Variants in PKHD1 observed in about 807,000 individuals in gnomAD.
PKHD1 encodes fibrocystin.
Under a neutral mutation model 412.0 loss-of-function variants are expected in PKHD1, and 291 were observed. That is an observed-to-expected ratio of 0.71 (90% confidence interval 0.64 to 0.78). The LOEUF (loss-of-function observed/expected upper bound fraction) is 0.78, where lower values mean the gene tolerates loss of function less well. Among genes scored for constraint, PKHD1 ranks in the 30% least tolerant of loss-of-function variants. The pLI, the probability that PKHD1 is intolerant of heterozygous loss-of-function variation, is 0.00. For synonymous variants in PKHD1, 1,777 were observed against 1,821.5 expected (o/e 0.98, Z 0.62); for missense variants, 4,825 against 4,950.7 (o/e 0.97, Z 0.76).
intron 49 of PKHD1, among the ~76,000 whole-genome samples, chr6:51,852,314 C>T (rs922481470): frequency 6.6e-6 from 1 of 152,180 alleles, no homozygotes; most frequent in Non-Finnish European, 1.5e-5. Context: ...GAGTGTTTTA[C>T]TTCCAATTAT....
chr6:51,767,716 T>C (rs1789349094), intron 55 of PKHD1, among the ~76,000 whole-genome samples: 1 of 152,322 alleles, frequency 6.6e-6, no homozygotes, highest in East Asian at 1.9e-4. Flanking sequence ...CAGACTATCG[T>C]TGTTGGACAT....
chr6:52,053,096 A>G lies in PKHD1; in HGVS notation c.2120T>C (p.Ile707Thr). ...TGLFYVDEII[I>T]ADTNVTVSQA... ...ATTACCTGTTACGTTTGTGTCTGCA[A>G]TAATAATTTCATCCACATAGAACAG... is the stretch of plus-strand genomic sequence containing the variant. The change falls in exon 21 of 67, where the codon ATT (isoleucine) becomes ACT (threonine). Residue 707 changes from isoleucine to threonine, a missense_variant. By Grantham distance (89) the Ile-to-Thr change is moderately conservative. Coordinates refer to ENST00000371117, the MANE Select transcript of PKHD1 (RefSeq NM_138694.4). 1 of 1,614,162 alleles carries G rather than the reference A, an allele frequency of 6.2e-7. No homozygotes were observed. The highest frequency in any genetic ancestry group is 8.5e-7 in the Non-Finnish European group (1 of 1,180,004).
chr6:52,079,683 C>A (rs1024074445), intron 5 of PKHD1, among the ~76,000 whole-genome samples: 1 of 152,138 alleles, frequency 6.6e-6, no homozygotes, highest in African/African-American at 2.4e-5. Context: ...AGCATTGAAT[C>A]AAATGATGTA....
intron 61 of PKHD1, among the ~76,000 whole-genome samples, chr6:51,649,885 TGAG>T (rs1388952990): frequency 2.6e-5 from 4 of 152,228 alleles, no homozygotes; most frequent in East Asian, 1.9e-4. Flanking sequence ...ATGAAGCATC[TGAG>T]GAGAATAATA....
chr6:52,079,944 C>T lies in PKHD1; in HGVS notation c.346G>A (p.Val116Ile), dbSNP rs775757809. 2 of 1,611,100 alleles carry T rather than the reference C, an allele frequency of 1.2e-6. No individual in the cohort carries two copies. The highest frequency in any genetic ancestry group is 1.7e-6 in the Non-Finnish European group (2 of 1,177,276). Residue 116 changes from valine to isoleucine, a missense_variant, in exon 5 of 67, where the codon GTA (valine) becomes ATA (isoleucine). Coordinates refer to ENST00000371117, the MANE Select transcript of PKHD1 (RefSeq NM_138694.4). The stretch of plus-strand genomic sequence containing the variant: ...CGTGGTCCTGGATTTGGACTGCTTA[C>T]CAGCTGTCCCCCGAAGTATGCTTCC... ...FLEAYFGGQL[V>I]SSPNPGPRDS... is the part of the protein sequence containing the mutation.
At chr6:51,668,214 T>C (rs1011283246) in intron 60 of PKHD1, among the ~76,000 whole-genome samples, 7 of 152,062 alleles carry the variant, frequency 4.6e-5, no homozygotes, top group African/African-American at 1.7e-4. Flanking sequence ...TATCCTCTTT[T>C]ATTTCATTGA....
At chr6:51,658,918 C>G in intron 61 of PKHD1, 34 bp downstream of exon 61, 2 of 1,426,422 alleles carry the variant, frequency 1.4e-6, no homozygotes, top group Non-Finnish European at 2.0e-6. Context: ...AAAAAATCAG[C>G]CCTCATTTGG....
chr6:51,744,556 C>A lies in PKHD1; in HGVS notation c.9999-14G>T. On this transcript the variant is annotated splice_polypyrimidine_tract_variant and intron_variant, in intron 59 of 66. Coordinates refer to ENST00000371117, the MANE Select transcript of PKHD1 (RefSeq NM_138694.4). ...CCTAAATCTTTCCTGTGAAGACAGT[C>A]AAAAAGCAACTCTTTCATTTCATGA... The A allele has an allele frequency of 6.2e-7, 1 of 1,603,530 alleles. No individual in the cohort carries two copies. The highest frequency in any genetic ancestry group is 1.1e-5 in the South Asian group (1 of 90,806).
rs72542712 is a variant in PKHD1, at chr6:51,719,111, TA to T, written c.10156+25273del. On this transcript the variant is annotated intron_variant, in intron 60 of 66. Coordinates refer to ENST00000371117, the MANE Select transcript of PKHD1 (RefSeq NM_138694.4). ...AAACAGCCAATTTTAAGTGCATATA[TA>T]AATATATTTAGTTTGAATATCAACT... is the stretch of plus-strand genomic sequence containing the variant. Among the ~76,000 whole-genome samples the T allele has an allele frequency of 3.0e-4, 44 of 149,038 alleles. 1 individual carries two copies. Among genetic ancestry groups the T allele is most frequent in the African/African-American group, 1.0e-3 (42 of 40,360 alleles).
At chr6:51,722,072 T>G (rs753794022) in intron 60 of PKHD1, 1 of 1,613,194 alleles carries the variant, frequency 6.2e-7, no homozygotes, top group Admixed American at 1.7e-5. Context: ...TCCAAAAATA[T>G]GTCTCCACCC....
At chr6:52,022,278 T>C (rs900028390) in intron 33 of PKHD1, among the ~76,000 whole-genome samples, 15 of 152,194 alleles carry the variant, frequency 9.9e-5, no homozygotes, top group Non-Finnish European at 2.2e-4. Flanking sequence ...ATTATGTGAG[T>C]ATTGCAAAAC....
chr6:51,747,433 G>C (rs917246368), intron 58 of PKHD1, among the ~76,000 whole-genome samples: 1 of 151,812 alleles, frequency 6.6e-6, no homozygotes, highest in African/African-American at 2.4e-5. Context: ...AGCCGGGAGT[G>C]GTGGCTTATG....
intron 51 of PKHD1, among the ~76,000 whole-genome samples, chr6:51,834,554 A>G (rs955697709): frequency 6.6e-6 from 1 of 152,096 alleles, no homozygotes; most frequent in Admixed American, 6.6e-5. Flanking sequence ...TCATTCATTC[A>G]TTCATTCTTA....
intron 60 of PKHD1, among the ~76,000 whole-genome samples, chr6:51,732,920 G>A (rs1286956028): frequency 6.6e-6 from 1 of 152,228 alleles, no homozygotes; most frequent in African/African-American, 2.4e-5. Flanking sequence ...TAAGCAAAAT[G>A]TGGTAAGTTC....
chr6:52,007,077 T>C (rs1799177807), intron 35 of PKHD1, among the ~76,000 whole-genome samples: 1 of 152,248 alleles, frequency 6.6e-6, no homozygotes. Flanking sequence ...ATAATTTCTT[T>C]ATTGACTCGT....
At position 51,659,521 on chromosome 6, in the gene PKHD1, A is replaced by G; in HGVS notation, c.10605T>C (p.Tyr3535=). ...ACAAGAGGTTATCCATGATGTTGAA[A>G]TAGTTGGCACCAATAGATTCATTCA... ...LLLNESIGAN[Y]FNIMDNLLYV... The change falls in exon 61 of 67, where the codon TAT becomes TAC. Residue 3535 remains tyrosine (Y), a synonymous_variant. Transcript: ENST00000371117. 6.2e-7 allele frequency: 1 copy of G among 1,613,708 alleles called. No individual in the cohort carries two copies. Among genetic ancestry groups the G allele is most frequent in the Non-Finnish European group, 8.5e-7 (1 of 1,179,826 alleles).
intron 60 of PKHD1, among the ~76,000 whole-genome samples, chr6:51,698,645 GA>G (rs1186824407): frequency 1.3e-5 from 2 of 151,844 alleles, no homozygotes; most frequent in Non-Finnish European, 2.9e-5. Flanking sequence ...CAGAGTGGGT[GA>G]AAAAAAATCT....
intron 54 of PKHD1, among the ~76,000 whole-genome samples, chr6:51,775,523 G>C (rs1029455172): frequency 4.6e-5 from 7 of 151,818 alleles, no homozygotes; most frequent in Admixed American, 6.6e-5. Flanking sequence ...TGACTCAGTC[G>C]AAACTTTAGT....
chr6:52,064,435 C>T (rs1010562200), intron 13 of PKHD1, among the ~76,000 whole-genome samples: 2 of 152,338 alleles, frequency 1.3e-5, no homozygotes, highest in South Asian at 4.1e-4. Flanking sequence ...TCAGGCATAA[C>T]CTGGTGGCAA....
Sources: allele counts gnomAD v4.1 joint callset (sites outside exome capture counted in the v4.1 genomes callset), GRCh38; gene constraint gnomAD v4.1.1; transcripts MANE v1.5; gene names NCBI Gene and HGNC (gene_info 2026-07-23, HGNC 2026-07-21).